Variants in COL7A1 observed in about 807,000 individuals in gnomAD.
COL7A1 encodes the protein collagen alpha-1(VII) chain.
COL7A1 carries 296 observed loss-of-function variants against 456.2 expected under a neutral mutation model. The observed-to-expected ratio is 0.65, with a 90% CI of 0.59 to 0.71. The LOEUF (loss-of-function observed/expected upper bound fraction) is 0.71, where lower values mean the gene tolerates loss of function less well. Ranked by LOEUF, COL7A1 falls within the 30% of genes least tolerant of loss-of-function variation. The probability of loss-of-function intolerance (pLI) is 0.00; values close to 1 mark genes in which losing one functional copy is unlikely to be tolerated. For missense variants in COL7A1, 3,441 were observed against 4,017.2 expected (o/e 0.86, Z 3.88); for synonymous variants, 1,464 against 1,525.9 (o/e 0.96, Z 0.95).
At position 48,575,199 on chromosome 3, in the gene COL7A1, C is replaced by CA. The variant is rs779103865; in HGVS notation, c.6216+7dup. The CA allele has an allele frequency of 6.2e-7, 1 of 1,614,062 alleles. No homozygotes were observed. Among genetic ancestry groups the CA allele is most frequent in the Non-Finnish European group, 8.5e-7 (1 of 1,179,994 alleles). ...ACAGCCTGCCCCACGAAGCCCATCG[C>CA]AGCCCACCTGTTCTCCACGTTCTCC... On this transcript the variant is annotated splice_region_variant and intron_variant, in intron 75 of 118. Coordinates refer to ENST00000681320, the MANE Select transcript of COL7A1 (RefSeq NM_000094.4). This position sits in a 1 kb window ranked among gnomAD's most constrained non-coding sequence, Gnocchi z 6.3.
chr3:48,570,167 G>T lies in COL7A1; in HGVS notation c.7452C>A (p.Gly2484=), dbSNP rs758433395. The T allele has an allele frequency of 2.5e-5, 41 of 1,614,058 alleles. No individual in the cohort carries two copies. Among genetic ancestry groups the T allele is most frequent in the Non-Finnish European group, 3.2e-5 (38 of 1,180,022 alleles). The change falls in exon 99 of 119, where the codon GGC becomes GGA. Residue 2484 remains glycine (G), a synonymous_variant. Transcript: ENST00000681320. The surrounding 1 kb of genome is among the most constrained non-coding windows in gnomAD (Gnocchi z 5.5). ...RGEPGIRGED[G]RPGQEGPRGL... is the part of the protein sequence containing the mutation. ...CTCGGGGTCCCTCCTGGCCGGGGCGGCCATCTTCACCCTGGATGGTGACAT... is the reference window on the plus strand; with the variant it reads ...CTCGGGGTCCCTCCTGGCCGGGGCGTCCATCTTCACCCTGGATGGTGACAT...
Position 48,574,126 on chromosome 3 carries a change from C to T in COL7A1, c.6501+136G>A. The T allele has an allele frequency of 8.2e-7, 1 of 1,221,718 alleles. No individual in the cohort carries two copies. Among genetic ancestry groups the T allele is most frequent in the Non-Finnish European group, 1.2e-6 (1 of 839,224 alleles). 75.7% of individuals were successfully genotyped at this position (1,221,718 alleles called of 1,614,324 possible). A position where few individuals can be genotyped will look rare whatever the true frequency, so the allele number is the denominator to read the frequency against. On this transcript the variant is annotated intron_variant, in intron 80 of 118. Transcript: ENST00000681320. This position sits in a 1 kb window ranked among gnomAD's most constrained non-coding sequence, Gnocchi z 5.0. Reference sequence around the variant, plus strand: ...AGGCACACACAGACACAGGCACACACAAGCAGGCACACACAGAGAGGCACA... The same window carrying T: ...AGGCACACACAGACACAGGCACACATAAGCAGGCACACACAGAGAGGCACA...
Position 48,575,250 on chromosome 3 carries a change from G to A in COL7A1, c.6181-8C>T. On this transcript the variant is annotated splice_polypyrimidine_tract_variant and splice_region_variant and intron_variant, in intron 74 of 118. Coordinates refer to ENST00000681320, the MANE Select transcript of COL7A1 (RefSeq NM_000094.4). This position sits in a 1 kb window ranked among gnomAD's most constrained non-coding sequence, Gnocchi z 6.3. ...TTTCTCTCCCCGTTCTCCCTGAAAT[G>A]CAAATAGCGGGTGAGGGCCAAGCCC... 1 of 1,613,950 alleles carries A rather than the reference G, an allele frequency of 6.2e-7. No individual in the cohort carries two copies. Among genetic ancestry groups the A allele is most frequent in the Non-Finnish European group, 8.5e-7 (1 of 1,179,982 alleles).
In COL7A1 at chr3:48,566,273, G is replaced by A. The variant is rs375653257; in HGVS notation, c.8401C>T (p.His2801Tyr). Residue 2801 changes from histidine (H) to tyrosine (Y), a missense_variant, in exon 114 of 119, where the codon CAC (histidine) becomes TAC (tyrosine). Transcript: ENST00000681320. The surrounding 1 kb of genome is among the most constrained non-coding windows in gnomAD (Gnocchi z 5.9). ...CGGGCTGGGCACCACTCACCACAGT[G>A]CTGACTCATCTCTTGGCGCACAAAG... Reference protein sequence around the residue: ...RGFVRQEMSQHCACQGQFIAS... With the variant: ...RGFVRQEMSQYCACQGQFIAS... 113 of 1,600,786 alleles carry A rather than the reference G, an allele frequency of 7.1e-5. No homozygotes were observed. The highest frequency in any genetic ancestry group is 8.8e-5 in the Non-Finnish European group (103 of 1,174,782).
Position 48,571,123 on chromosome 3 carries a change from G to A in COL7A1, c.7142C>T (p.Pro2381Leu), listed in dbSNP as rs2043891152. Residue 2381 changes from proline to leucine, a missense_variant, in exon 94 of 119, where the codon CCT (proline) becomes CTT (leucine). Physicochemically the swap from Pro to Leu is moderately conservative, Grantham distance 98. Around this residue, in one of 3 missense-constraint regions of COL7A1, gnomAD observed 2,084 missense variants for 2,501.3 expected, o/e 0.83. Coordinates refer to ENST00000681320, the MANE Select transcript of COL7A1 (RefSeq NM_000094.4). This position sits in a 1 kb window ranked among gnomAD's most constrained non-coding sequence, Gnocchi z 4.6. ...PGVGVPGSPG[P>L]PGPPGVKGDL... ...TACCTTCACACCTGGAGGGCCAGGA[G>A]GCCCAGGGGAGCCCGGGACCCCGAC... The A allele has an allele frequency of 6.2e-7, 1 of 1,613,958 alleles. No homozygotes were observed. The highest frequency in any genetic ancestry group is 2.2e-5 in the East Asian group (1 of 44,900).
chr3:48,588,167 C>A lies in COL7A1; in HGVS notation c.2710+115G>T. ...TTGATCTTACCTACTGTCACGGATC[C>A]CGCAGACCCCCAGTGACAGACCCCG... is the stretch of plus-strand genomic sequence containing the variant. On this transcript the variant is annotated intron_variant, in intron 21 of 118. Coordinates refer to ENST00000681320, the MANE Select transcript of COL7A1 (RefSeq NM_000094.4). The surrounding 1 kb of genome is among the most constrained non-coding windows in gnomAD (Gnocchi z 4.6). 3 of 1,518,754 alleles carry A rather than the reference C, an allele frequency of 2.0e-6. No individual in the cohort carries two copies. The highest frequency in any genetic ancestry group is 2.3e-5 in the East Asian group (1 of 42,630). 94.1% of individuals were successfully genotyped at this position (1,518,754 alleles called of 1,614,324 possible). A position where few individuals can be genotyped will look rare whatever the true frequency, so the allele number is the denominator to read the frequency against.
chr3:48,583,918 A>C lies in COL7A1; in HGVS notation c.4260T>G (p.Pro1420=), dbSNP rs746034707. The C allele has an allele frequency of 4.3e-6, 7 of 1,613,820 alleles. No individual in the cohort carries two copies. Among genetic ancestry groups the C allele is most frequent in the Non-Finnish European group, 5.9e-6 (7 of 1,179,992 alleles). ...CCCTCACCGGCAGCCCAGGCTCCCC[A>C]GGAGCAATGCCACCTTCACCTGGTC... ...PPGPGEGGIA[P]GEPGLPGLPG... is the part of the protein sequence containing the mutation. The change falls in exon 39 of 119, where the codon CCT becomes CCG. Residue 1420 remains proline, a synonymous_variant. Transcript: ENST00000681320. This position sits in a 1 kb window ranked among gnomAD's most constrained non-coding sequence, Gnocchi z 5.1.
In COL7A1 at chr3:48,583,807, G is replaced by C. The variant is rs1258363804; in HGVS notation, c.4279-27C>G. The C allele has an allele frequency of 2.5e-6, 4 of 1,613,604 alleles. No homozygotes were observed. Among genetic ancestry groups the C allele is most frequent in the Non-Finnish European group, 3.4e-6 (4 of 1,179,898 alleles). On this transcript the variant is annotated intron_variant, in intron 39 of 118. Transcript: ENST00000681320. The surrounding 1 kb of genome is among the most constrained non-coding windows in gnomAD (Gnocchi z 5.1). ...TAGGAAGAAGTGAGTAAAAATATGA[G>C]CCAAGAACTATGAAGCCCAGCACCC...
Position 48,574,832 on chromosome 3 carries a change from CAG to C in COL7A1, c.6311_6312del (p.Ser2104TrpfsTer12). 1.2e-6 allele frequency: 2 copies of C among 1,613,972 alleles called. No homozygotes were observed. Among genetic ancestry groups the C allele is most frequent in the Non-Finnish European group, 1.7e-6 (2 of 1,180,014 alleles). ...TTGAGTCCAGGGGGTCCCTGTTCTC[CAG>C]AGAGTCCAGGACCTGGCTCATCCAC... ...VSVDEPGPGL[S>X]GEQGPPGLKG... On this transcript the variant is annotated frameshift_variant, in exon 77 of 119. Transcript: ENST00000681320. LOFTEE classifies it high-confidence loss of function. The surrounding 1 kb of genome is among the most constrained non-coding windows in gnomAD (Gnocchi z 5.0).
rs1418391141 is a variant in COL7A1 at position 48,568,208 on chromosome 3, C to T, written c.7795-38G>A. ...GGGTCCATGTGAGGTCAGAGGAGGTCAGTGAGGGACCAAAGAGAATCGCCC... is the reference window on the plus strand; with the variant it reads ...GGGTCCATGTGAGGTCAGAGGAGGTTAGTGAGGGACCAAAGAGAATCGCCC... On this transcript the variant is annotated intron_variant, in intron 105 of 118. Coordinates refer to ENST00000681320, the MANE Select transcript of COL7A1 (RefSeq NM_000094.4). The surrounding 1 kb of genome is among the most constrained non-coding windows in gnomAD (Gnocchi z 5.2). The T allele has an allele frequency of 6.2e-7, 1 of 1,602,654 alleles. No individual in the cohort carries two copies. Among genetic ancestry groups the T allele is most frequent in the Admixed American group, 1.7e-5 (1 of 59,988 alleles).
chr3:48,568,026 G>T lies in COL7A1; in HGVS notation c.7875+64C>A. ...CCAGTGCCCTAATATCTGACCCCAG[G>T]TCCCTCGCCCTTCAACATTAGGCCT... On this transcript the variant is annotated intron_variant, in intron 106 of 118. Transcript: ENST00000681320. This position sits in a 1 kb window ranked among gnomAD's most constrained non-coding sequence, Gnocchi z 5.2. 6 of 1,606,972 alleles carry T rather than the reference G, an allele frequency of 3.7e-6. No homozygotes were observed. Among genetic ancestry groups the T allele is most frequent in the Admixed American group, 3.3e-5 (2 of 60,004 alleles).
In COL7A1 at chr3:48,594,734, C is replaced by A. The variant is rs1331360669; in HGVS notation, c.86-186G>T. Among the ~76,000 whole-genome samples the A allele has an allele frequency of 2.0e-5, 3 of 147,962 alleles. No individual in the cohort carries two copies. Among genetic ancestry groups the A allele is most frequent in the African/African-American group, 7.5e-5 (3 of 40,014 alleles). On this transcript the variant is annotated intron_variant, in intron 2 of 118. Coordinates refer to ENST00000681320, the MANE Select transcript of COL7A1 (RefSeq NM_000094.4). The surrounding 1 kb of genome is among the most constrained non-coding windows in gnomAD (Gnocchi z 5.5). ...AGCTCGGTGGGTCCCAGAGCAGACT[C>A]CCGCGGAGGGTTGGGGGTGTGCGGG...
Position 48,594,623 on chromosome 3 carries a change from G to A in COL7A1, c.86-75C>T. 1 of 1,497,212 alleles carries A rather than the reference G, an allele frequency of 6.7e-7. No homozygotes were observed. Among genetic ancestry groups the A allele is most frequent in the Non-Finnish European group, 9.0e-7 (1 of 1,112,084 alleles). The allele number at this position is 1,497,212 out of a possible 1,614,324, so 92.7% of individuals were successfully genotyped here. The stretch of plus-strand genomic sequence containing the variant: ...GCCTACCCGCACGGTGGCCTCACTG[G>A]GACTTGGGATGGTGGGGAGAGTAGG... On this transcript the variant is annotated intron_variant, in intron 2 of 118. Coordinates refer to ENST00000681320, the MANE Select transcript of COL7A1 (RefSeq NM_000094.4). The surrounding 1 kb of genome is among the most constrained non-coding windows in gnomAD (Gnocchi z 5.5).
rs2044695040 is a variant in COL7A1 at position 48,580,761 on chromosome 3, G to C, written c.4981-109C>G. ...CATTACTCCAAAATCCACATCAGAG[G>C]TTCCCATCACCCCATGCCTCCCTGC... On this transcript the variant is annotated intron_variant, in intron 54 of 118. Coordinates refer to ENST00000681320, the MANE Select transcript of COL7A1 (RefSeq NM_000094.4). The surrounding 1 kb of genome is among the most constrained non-coding windows in gnomAD (Gnocchi z 4.5). 1.3e-6 allele frequency: 2 copies of C among 1,564,820 alleles called. No individual in the cohort carries two copies. Among genetic ancestry groups the C allele is most frequent in the Non-Finnish European group, 1.8e-6 (2 of 1,137,678 alleles).
chr3:48,575,030 AG>A lies in COL7A1; in HGVS notation c.6279+33del. On this transcript the variant is annotated intron_variant, in intron 76 of 118. Coordinates refer to ENST00000681320, the MANE Select transcript of COL7A1 (RefSeq NM_000094.4). The surrounding 1 kb of genome is among the most constrained non-coding windows in gnomAD (Gnocchi z 6.3). ...AGCTAAGGGTGGCTTCCTGGTCACT[AG>A]TCACAGGACTAAGGCAGGGATGGGG... is the stretch of plus-strand genomic sequence containing the variant. 1.9e-6 allele frequency: 3 copies of A among 1,600,820 alleles called. No homozygotes were observed. The highest frequency in any genetic ancestry group is 2.6e-6 in the Non-Finnish European group (3 of 1,168,134).
At position 48,566,038 on chromosome 3, in the gene COL7A1, C is replaced by G. The variant is rs979771756; in HGVS notation, c.8407+229G>C. Among the ~76,000 whole-genome samples the G allele has an allele frequency of 2.4e-4, 36 of 152,294 alleles. No individual in the cohort carries two copies. The highest frequency in any genetic ancestry group is 8.4e-4 in the African/African-American group (35 of 41,566). ...TCCCACCATCATCCCACTCCCCACA[C>G]AGCCAAGCTGGACATCTGAGAGCAC... is the stretch of plus-strand genomic sequence containing the variant. On this transcript the variant is annotated intron_variant, in intron 114 of 118. Transcript: ENST00000681320. The surrounding 1 kb of genome is among the most constrained non-coding windows in gnomAD (Gnocchi z 5.9).
Position 48,589,346 on chromosome 3 carries a change from G to A in COL7A1, c.2295C>T (p.Ala765=), listed in dbSNP as rs2107772082. The A allele has an allele frequency of 6.2e-7, 1 of 1,612,306 alleles. No individual in the cohort carries two copies. Among genetic ancestry groups the A allele is most frequent in the Non-Finnish European group, 8.5e-7 (1 of 1,179,942 alleles). The change falls in exon 18 of 119, where the codon GCC becomes GCT. Residue 765 remains alanine, a synonymous_variant. Transcript: ENST00000681320. ...ACTCACCAGTCCTCACAACCACAGA[G>A]GCAGGGGGCCCATCCACGCCAGCCA... ...AHVAGVDGPP[A]SVVVRTAPEP...
chr3:48,574,789 A>T lies in COL7A1; in HGVS notation c.6348+8T>A. 1 of 1,613,966 alleles carries T rather than the reference A, an allele frequency of 6.2e-7. No individual in the cohort carries two copies. Among genetic ancestry groups the T allele is most frequent in the Non-Finnish European group, 8.5e-7 (1 of 1,180,000 alleles). Reference sequence around the variant, plus strand: ...GAGGGTGGCCCCGAGCTGATTCCACACACTGACCTTAGCACCCTTGAGTCC... The same window carrying T: ...GAGGGTGGCCCCGAGCTGATTCCACTCACTGACCTTAGCACCCTTGAGTCC... On this transcript the variant is annotated splice_region_variant and intron_variant, in intron 77 of 118. Transcript: ENST00000681320. This position sits in a 1 kb window ranked among gnomAD's most constrained non-coding sequence, Gnocchi z 5.0.
chr3:48,594,609 C>T lies in COL7A1; in HGVS notation c.86-61G>A. 1 of 1,519,990 alleles carries T rather than the reference C, an allele frequency of 6.6e-7. No homozygotes were observed. The highest frequency in any genetic ancestry group is 1.2e-5 in the South Asian group (1 of 83,936). 94.2% of individuals were successfully genotyped at this position (1,519,990 alleles called of 1,614,324 possible). On this transcript the variant is annotated intron_variant, in intron 2 of 118. Transcript: ENST00000681320. This position sits in a 1 kb window ranked among gnomAD's most constrained non-coding sequence, Gnocchi z 5.5. Reference sequence around the variant, plus strand: ...GAGGCCAACCACCCGCCTACCCGCACGGTGGCCTCACTGGGACTTGGGATG... The same window carrying T: ...GAGGCCAACCACCCGCCTACCCGCATGGTGGCCTCACTGGGACTTGGGATG...
Sources: allele counts gnomAD v4.1 joint callset (sites outside exome capture counted in the v4.1 genomes callset), GRCh38; gene constraint gnomAD v4.1.1; regional missense constraint gnomAD v4.1.1; non-coding constraint Gnocchi (gnomAD v3.1); transcripts MANE v1.5; gene names NCBI Gene and HGNC (gene_info 2026-07-23, HGNC 2026-07-21).